Variants in DGKB observed in about 807,000 individuals in gnomAD.
The protein encoded by DGKB is 90 kDa diacylglycerol kinase.
In DGKB, 67 loss-of-function variants were observed where a neutral mutation model predicts 114.3. That is an observed-to-expected ratio of 0.59 (90% CI 0.48 to 0.72). DGKB has a LOEUF of 0.72. DGKB is among the 30% of genes least tolerant of loss of function. DGKB has a pLI of 0.00. For synonymous variants in DGKB, 398 were observed against 323.1 expected (o/e 1.23, Z -2.49); for missense variants, 907 against 975.2 (o/e 0.93, Z 0.93).
chr7:14,760,220 A>C (rs1835487037), intron 2 of DGKB, among the ~76,000 whole-genome samples: 1 of 151,920 alleles, frequency 6.6e-6, no homozygotes, highest in African/African-American at 2.4e-5. Flanking sequence ...GGCATTTTCC[A>C]TATTGTGATC....
intron 1 of DGKB, among the ~76,000 whole-genome samples, chr7:14,961,651 G>C (rs561550029): frequency 6.6e-6 from 1 of 152,202 alleles, no homozygotes; most frequent in Non-Finnish European, 1.5e-5. Context: ...AGCAAACTAT[G>C]ACACAAATGT....
chr7:14,651,091 C>T (rs557327767), intron 13 of DGKB, among the ~76,000 whole-genome samples: 2,626 of 152,212 alleles, frequency 0.017, 31 homozygotes, highest in Non-Finnish European at 0.023. Flanking sequence ...GGTACCATTC[C>T]TTCTGAAACT....
intron 13 of DGKB, among the ~76,000 whole-genome samples, chr7:14,643,018 T>C (rs896729350): frequency 6.6e-6 from 1 of 152,062 alleles, no homozygotes; most frequent in East Asian, 1.9e-4. Flanking sequence ...CTAGCACTCA[T>C]CTCTTAAACA....
intron 21 of DGKB, among the ~76,000 whole-genome samples, chr7:14,392,173 G>A (rs1821427496): frequency 6.6e-6 from 1 of 152,104 alleles, no homozygotes; most frequent in Non-Finnish European, 1.5e-5. Context: ...ATGAATGCAT[G>A]TAAATTTTCT....
chr7:14,742,459 A>C (rs1158305481), intron 4 of DGKB, among the ~76,000 whole-genome samples: 1 of 152,198 alleles, frequency 6.6e-6, no homozygotes, highest in Non-Finnish European at 1.5e-5. Flanking sequence ...TGAGAAATAA[A>C]AAGTCTTAAA....
At chr7:14,199,522 A>G (rs1202433580) in intron 23 of DGKB, among the ~76,000 whole-genome samples, 1 of 152,028 alleles carries the variant, frequency 6.6e-6, no homozygotes, top group Non-Finnish European at 1.5e-5. Context: ...GCGGCCTGGG[A>G]CAGGACTGGG....
chr7:14,292,436 T>C (rs895215700), intron 23 of DGKB, among the ~76,000 whole-genome samples: 11 of 152,338 alleles, frequency 7.2e-5, no homozygotes, highest in Admixed American at 5.2e-4. Context: ...GAACTGTATC[T>C]GCTCATATTC....
intron 20 of DGKB, among the ~76,000 whole-genome samples, chr7:14,534,588 C>T (rs2128602134): frequency 6.6e-6 from 1 of 152,080 alleles, no homozygotes; most frequent in South Asian, 2.1e-4. Context: ...CTATAAGAGA[C>T]TCACCTTAGA....
At chr7:14,810,581 T>C (rs957234358) in intron 2 of DGKB, among the ~76,000 whole-genome samples, 1 of 152,176 alleles carries the variant, frequency 6.6e-6, no homozygotes, top group Admixed American at 6.6e-5. Context: ...AAGGAATAAA[T>C]TTTTCTTACT....
At chr7:14,377,867 G>C (rs557952907) in intron 21 of DGKB, among the ~76,000 whole-genome samples, 1 of 152,156 alleles carries the variant, frequency 6.6e-6, no homozygotes, top group African/African-American at 2.4e-5. Flanking sequence ...CGTGGTTTGG[G>C]ATTGTCCCAT....
At chr7:14,240,596 C>G (rs561223005) in intron 23 of DGKB, among the ~76,000 whole-genome samples, 23 of 152,104 alleles carry the variant, frequency 1.5e-4, no homozygotes, top group African/African-American at 5.5e-4. Flanking sequence ...TCTCCTCAAC[C>G]AAAAACATCA....
At chr7:14,697,343 T>C (rs1170895690) in intron 8 of DGKB, among the ~76,000 whole-genome samples, 1 of 152,000 alleles carries the variant, frequency 6.6e-6, no homozygotes, top group East Asian at 1.9e-4. Flanking sequence ...CCTCAGAGAG[T>C]TGAAAGCAAT....
At chr7:14,497,768 T>C (rs1274524030) in intron 20 of DGKB, among the ~76,000 whole-genome samples, 1 of 151,916 alleles carries the variant, frequency 6.6e-6, no homozygotes, top group Non-Finnish European at 1.5e-5. Context: ...TGTGCAATAC[T>C]GCAAAACCAA....
In DGKB at chr7:14,338,538, T is replaced by G. The variant is rs778576978; in HGVS notation, c.2099A>C (p.Lys700Thr). The G allele has an allele frequency of 6.3e-7, 1 of 1,581,416 alleles. No individual in the cohort carries two copies. The highest frequency in any genetic ancestry group is 1.8e-5 in the Admixed American group (1 of 54,532). The change falls in exon 23 of 26, where the codon AAA becomes ACA. Residue 700 changes from lysine to threonine, a missense_variant. By Grantham distance (78) the Lys-to-Thr change is moderately conservative. Coordinates refer to ENST00000402815, the MANE Select transcript of DGKB (RefSeq NM_001350709.2). ...ACCTTGACTTGCAAACTTCAACTCT[T>G]TGGCATCTGTGACGGTGGTCCTTTT... ...SDKRTTVTDA[K>T]ELKFASQDLS...
intron 9 of DGKB, among the ~76,000 whole-genome samples, chr7:14,687,268 T>C (rs1309665106): frequency 6.6e-6 from 1 of 152,174 alleles, no homozygotes. Flanking sequence ...ATACATTAAC[T>C]TCCAATAGGG....
chr7:14,156,843 G>A (rs1783096909), intron 25 of DGKB, among the ~76,000 whole-genome samples: 1 of 152,044 alleles, frequency 6.6e-6, no homozygotes. Flanking sequence ...TCATTCTGTG[G>A]AAATTCTGAA....
chr7:14,914,808 T>A (rs1189631001), intron 1 of DGKB, among the ~76,000 whole-genome samples: 2 of 150,652 alleles, frequency 1.3e-5, no homozygotes, highest in Non-Finnish European at 2.9e-5. Flanking sequence ...AGAAGACTGC[T>A]CTAACAAAGA....
At chr7:14,410,937 T>G (rs1242873059) in intron 21 of DGKB, among the ~76,000 whole-genome samples, 1 of 152,178 alleles carries the variant, frequency 6.6e-6, no homozygotes, top group Non-Finnish European at 1.5e-5. Context: ...AAAATGATTG[T>G]TTTGACTTTA....
At chr7:14,386,405 A>T (rs1426027210) in intron 21 of DGKB, among the ~76,000 whole-genome samples, 1 of 152,312 alleles carries the variant, frequency 6.6e-6, no homozygotes, top group East Asian at 1.9e-4. Flanking sequence ...ACACTTAGAA[A>T]ATCTAGGCTG....
Sources: allele counts gnomAD v4.1 joint callset (sites outside exome capture counted in the v4.1 genomes callset), GRCh38; gene constraint gnomAD v4.1.1; transcripts MANE v1.5; gene names NCBI Gene and HGNC (gene_info 2026-07-23, HGNC 2026-07-21).